Variants in TTLL5 observed in about 807,000 individuals in gnomAD.
TTLL5 encodes the protein tubulin polyglutamylase TTLL5.
A neutral mutation model predicts 168.4 loss-of-function variants in TTLL5; 132 were observed. The observed-to-expected ratio is 0.78, with a 90% CI of 0.68 to 0.91. TTLL5 has a LOEUF of 0.91. Ranked by LOEUF, TTLL5 falls within the 40% of genes least tolerant of loss-of-function variation. TTLL5 has a pLI of 0.00. For synonymous variants in TTLL5, 546 were observed against 558.6 expected (o/e 0.98, Z 0.32); for missense variants, 1,545 against 1,581.5 (o/e 0.98, Z 0.39).
At chr14:75,939,360 T>G (rs986602748) in intron 31 of TTLL5, among the ~76,000 whole-genome samples, 3 of 152,204 alleles carry the variant, frequency 2.0e-5, no homozygotes, top group African/African-American at 7.2e-5. Context: ...AAGTCACTGT[T>G]AGTCACTGGT....
At chr14:75,683,377 A>G (rs1374728607) in intron 4 of TTLL5, among the ~76,000 whole-genome samples, 173 bp from the exon 5 acceptor site, 1 of 152,178 alleles carries the variant, frequency 6.6e-6, no homozygotes, top group Non-Finnish European at 1.5e-5. Context: ...CATTCCTTGA[A>G]CTTGTTCTGT....
chr14:75,731,374 TACACACACACACACACAC>T (rs3031047), intron 12 of TTLL5, among the ~76,000 whole-genome samples: 70 of 139,328 alleles, frequency 5.0e-4, no homozygotes, highest in Admixed American at 2.2e-3. Context: ...TACACATACA[TACACACACACACACACAC>T]ACACACACAC....
chr14:75,770,444 T>C (rs1891236351), intron 20 of TTLL5, among the ~76,000 whole-genome samples: 1 of 152,106 alleles, frequency 6.6e-6, no homozygotes, highest in South Asian at 2.1e-4. Flanking sequence ...CTCCTAACCT[T>C]GTGAAAACAG....
At chr14:75,760,464 T>G (rs1319364066) in intron 18 of TTLL5, among the ~76,000 whole-genome samples, 1 of 152,024 alleles carries the variant, frequency 6.6e-6, no homozygotes, top group African/African-American at 2.4e-5. Flanking sequence ...TCTGGTAGAT[T>G]TTTTTAAAAG....
chr14:75,708,474 C>T lies in TTLL5; in HGVS notation c.740+767C>T, dbSNP rs573613887. Among the ~76,000 whole-genome samples the T allele has an allele frequency of 1.7e-4, 26 of 151,960 alleles. No homozygotes were observed. In the South Asian group the frequency reaches 2.1e-3, roughly 12 times the overall value. ...CTGAGTAGCTGGGACAACAGGTGCC[C>T]CCCACCATGCCTGGCTAATGTTTTG... On this transcript the variant is annotated intron_variant, in intron 9 of 31. Coordinates refer to ENST00000298832, the MANE Select transcript of TTLL5 (RefSeq NM_015072.5).
At chr14:75,868,818 T>C (rs2030755420) in intron 29 of TTLL5, among the ~76,000 whole-genome samples, 1 of 152,080 alleles carries the variant, frequency 6.6e-6, no homozygotes, top group Non-Finnish European at 1.5e-5. Context: ...GTTTGTGTTG[T>C]GGAGGAGGGG....
At chr14:75,727,577 T>A (rs184259458) in intron 12 of TTLL5, among the ~76,000 whole-genome samples, 12 of 152,292 alleles carry the variant, frequency 7.9e-5, no homozygotes, top group African/African-American at 2.9e-4. Flanking sequence ...TTTGTTAAAA[T>A]TGTCCTATGT....
intron 15 of TTLL5, among the ~76,000 whole-genome samples, chr14:75,740,874 C>A (rs1889218246): frequency 6.6e-6 from 1 of 152,128 alleles, no homozygotes. Flanking sequence ...CTTTGTAAAA[C>A]TGCATTGGGA....
intron 3 of TTLL5, among the ~76,000 whole-genome samples, chr14:75,669,856 C>G (rs188288893): frequency 1.5e-3 from 226 of 152,094 alleles, no homozygotes; most frequent in Non-Finnish European, 2.5e-3. Context: ...CTGTTTAGTT[C>G]CAGAACATTT....
At chr14:75,921,980 T>C (rs1010338555) in intron 31 of TTLL5, among the ~76,000 whole-genome samples, 5 of 152,188 alleles carry the variant, frequency 3.3e-5, no homozygotes, top group Non-Finnish European at 5.9e-5. Context: ...TTTATTCTCT[T>C]TGTAGCAATT....
At chr14:75,726,233 T>C (rs1888179558) in intron 12 of TTLL5, among the ~76,000 whole-genome samples, 2 of 152,160 alleles carry the variant, frequency 1.3e-5, no homozygotes, top group South Asian at 4.1e-4. Flanking sequence ...TTTTATCAGG[T>C]TTTTTCTTAA....
intron 25 of TTLL5, among the ~76,000 whole-genome samples, chr14:75,782,876 G>GT (rs1439184010): frequency 2.0e-5 from 3 of 152,154 alleles, no homozygotes; most frequent in Non-Finnish European, 4.4e-5. Flanking sequence ...CCTAACATGT[G>GT]TAAGACATGC....
At chr14:75,884,571 G>C (rs2031997033) in intron 30 of TTLL5, among the ~76,000 whole-genome samples, 1 of 152,188 alleles carries the variant, frequency 6.6e-6, no homozygotes, top group African/African-American at 2.4e-5. Flanking sequence ...GCACAGAAGG[G>C]GGGAAAAAGC....
intron 30 of TTLL5, among the ~76,000 whole-genome samples, chr14:75,896,052 A>G (rs1252846715): frequency 6.6e-6 from 1 of 152,230 alleles, no homozygotes; most frequent in Non-Finnish European, 1.5e-5. Flanking sequence ...TATAAAATGG[A>G]GTCCTGAGTG....
At chr14:75,737,886 T>C in intron 15 of TTLL5, among the ~76,000 whole-genome samples, 1 of 152,158 alleles carries the variant, frequency 6.6e-6, no homozygotes, top group Non-Finnish European at 1.5e-5. Flanking sequence ...TGAAGGCATA[T>C]CTATCACTTT....
chr14:75,886,761 A>T (rs1259101028), intron 30 of TTLL5: 4 of 1,597,076 alleles, frequency 2.5e-6, no homozygotes, highest in Middle Eastern at 1.6e-4. Flanking sequence ...AGTCAGCTGA[A>T]CTGAGGACGA....
chr14:75,861,424 C>T (rs1000173986), intron 28 of TTLL5, among the ~76,000 whole-genome samples: 14 of 152,112 alleles, frequency 9.2e-5, no homozygotes, highest in African/African-American at 3.4e-4. Flanking sequence ...CACTTTGCTC[C>T]CTCCTTCAGT....
At chr14:75,805,680 A>G (rs896911169) in intron 27 of TTLL5, among the ~76,000 whole-genome samples, 5 of 152,208 alleles carry the variant, frequency 3.3e-5, no homozygotes, top group Admixed American at 1.3e-4. Flanking sequence ...TATTTTGAAC[A>G]TATTTTGAAA....
intron 31 of TTLL5, among the ~76,000 whole-genome samples, chr14:75,915,118 A>G (rs1420083158): frequency 1.3e-5 from 2 of 152,126 alleles, no homozygotes; most frequent in Admixed American, 6.6e-5. Context: ...TCCCCTCTAC[A>G]TCACCTAACT....
Sources: gnomAD v4.1 joint callset for allele counts (sites outside exome capture counted in the v4.1 genomes callset) on GRCh38, gnomAD v4.1.1 for gene constraint, MANE v1.5 for transcripts, NCBI Gene and HGNC (gene_info 2026-07-23, HGNC 2026-07-21) for gene names.